The following DSG1 variants were observed in gnomAD, a reference collection of about 807,000 sequenced individuals.
DSG1 encodes desmoglein 1.
Under a neutral mutation model 97.5 loss-of-function variants are expected in DSG1, and 39 were observed. That is an observed-to-expected ratio of 0.40 (90% confidence interval 0.31 to 0.52). The LOEUF is 0.52. DSG1 is among the 20% of genes least tolerant of loss of function. The pLI is 0.53. For synonymous variants in DSG1, 475 were observed against 443.4 expected, an observed-to-expected ratio of 1.07 and a Z score of -0.90; for missense variants, 1,311 against 1,295.4, an observed-to-expected ratio of 1.01 and a Z score of -0.18.
intron 11 of DSG1, among the ~76,000 whole-genome samples, chr18:31,342,297 T>C (rs572155308): frequency 1.3e-5 from 2 of 152,298 alleles, no homozygotes; most frequent in African/African-American, 4.8e-5. Flanking sequence ...TTATAAATTA[T>C]ATATGGGCCT....
chr18:31,333,760 C>A (rs375634680), intron 7 of DSG1, 37 bp downstream of exon 7: 1 of 1,606,878 alleles, frequency 6.2e-7, no homozygotes, highest in South Asian at 1.1e-5. Context: ...AATCTAAATT[C>A]GCTATATTCT....
chr18:31,359,012 G>A lies in DSG1; in HGVS notation c.*3666G>A, dbSNP rs73408401. Reference sequence around the variant, plus strand: ...TATTTGAATTACTAAATGCTTTATCGTCAAACTGTACCTAGTCTAACTTAT... The same window carrying A: ...TATTTGAATTACTAAATGCTTTATCATCAAACTGTACCTAGTCTAACTTAT... On this transcript the variant is annotated 3_prime_UTR_variant, in exon 15 of 15. Coordinates refer to ENST00000257192, the MANE Select transcript of DSG1 (RefSeq NM_001942.4). Among the ~76,000 whole-genome samples, 3,447 of 152,022 alleles carry A rather than the reference G, an allele frequency of 0.023. 136 individuals are homozygous for A. Among genetic ancestry groups the A allele is most frequent in the African/African-American group, 0.078 (3,246 of 41,478 alleles).
intron 4 of DSG1, among the ~76,000 whole-genome samples, chr18:31,328,871 C>T (rs2071703224): frequency 6.6e-6 from 1 of 152,150 alleles, no homozygotes; most frequent in African/African-American, 2.4e-5. Flanking sequence ...TCCAAATGCA[C>T]CTTGAAAATG....
chr18:31,340,900 C>A (rs1033175460), intron 11 of DSG1, among the ~76,000 whole-genome samples: 1 of 152,168 alleles, frequency 6.6e-6, no homozygotes, highest in Non-Finnish European at 1.5e-5. Flanking sequence ...TAAGCCTAAT[C>A]GTCTGAGTCT....
chr18:31,354,503 A>G lies in DSG1; in HGVS notation c.2307A>G (p.Pro769=). 4 of 1,614,232 alleles carry G rather than the reference A, an allele frequency of 2.5e-6. No homozygotes were observed. Among genetic ancestry groups the G allele is most frequent in the Non-Finnish European group, 3.4e-6 (4 of 1,180,040 alleles). The change falls in exon 15 of 15, where the codon CCA becomes CCG. Residue 769 remains proline, a synonymous_variant. Transcript: ENST00000257192. ...TCAGCCTAGGAAAAGAATCATATCC[A>G]GACCTTGATCCTTCTTGGCCACCAC... ...ADISLGKESY[P]DLDPSWPPQS...
rs770815653 is a variant in DSG1, at chr18:31,344,002, A to G, written c.1891+7A>G. The G allele has an allele frequency of 1.6e-5, 26 of 1,604,074 alleles. No homozygotes were observed. In the South Asian group the frequency reaches 2.5e-4, roughly 16 times the overall value. On this transcript the variant is annotated splice_region_variant and intron_variant, in intron 13 of 14. Transcript: ENST00000257192. The stretch of plus-strand genomic sequence containing the variant: ...GAATGCATTGACAACTCAGGTAAGA[A>G]AAAAGAATTTGTTTAACATCTCAAA...
chr18:31,323,551 A>C (rs542138651), intron 1 of DSG1, among the ~76,000 whole-genome samples: 33 of 152,206 alleles, frequency 2.2e-4, no homozygotes, highest in African/African-American at 7.0e-4. Flanking sequence ...CTTCTATGAG[A>C]ATCTTCCTGC....
Position 31,354,330 on chromosome 18 carries a change from C to T in DSG1, c.2134C>T (p.Arg712Cys), listed in dbSNP as rs149191001. The T allele has an allele frequency of 1.1e-3, 1,812 of 1,614,132 alleles. 4 individuals are homozygous for T. The highest frequency in any genetic ancestry group is 6.7e-3 in the Admixed American group (405 of 60,026). The change falls in exon 15 of 15, where the codon CGC becomes TGC. Residue 712 changes from arginine (R) to cysteine (C), a missense_variant. By Grantham distance (180) the Arg-to-Cys change is radical (BLOSUM62 -3). Transcript: ENST00000257192. ...AYAYADEDEGRPSNDCLLIYD... is the reference protein window; with the variant it reads ...AYAYADEDEGCPSNDCLLIYD... ...TGCTTACGCAGATGAAGATGAAGGA[C>T]GCCCATCTAATGACTGTTTGCTCAT...
At position 31,343,595 on chromosome 18, in the gene DSG1, A is replaced by C; in HGVS notation, c.1821+12A>C. 6.2e-7 allele frequency: 1 copy of C among 1,614,122 alleles called. No homozygotes were observed. The highest frequency in any genetic ancestry group is 8.5e-7 in the Non-Finnish European group (1 of 1,180,018). On this transcript the variant is annotated intron_variant, in intron 12 of 14. Coordinates refer to ENST00000257192, the MANE Select transcript of DSG1 (RefSeq NM_001942.4). ...AGCCTGAACCCAGGGTAAGTGCCAC[A>C]TTCTAAGAAATAGCCGTTGGTAGTC...
In DSG1 at chr18:31,356,662, C is replaced by T. The variant is rs1598721614; in HGVS notation, c.*1316C>T. ...CATGAAATAATAATAGAAACCTATTCTGCTAGTTTATCTCACCCTCTAATT... is the reference window on the plus strand; with the variant it reads ...CATGAAATAATAATAGAAACCTATTTTGCTAGTTTATCTCACCCTCTAATT... On this transcript the variant is annotated 3_prime_UTR_variant, in exon 15 of 15. Transcript: ENST00000257192. 1 of 152,132 alleles carries T rather than the reference C, an allele frequency of 6.6e-6. No individual in the cohort carries two copies. Among genetic ancestry groups the T allele is most frequent in the African/African-American group, 2.4e-5 (1 of 41,426 alleles). 9.4% of individuals were successfully genotyped at this position (152,132 alleles called of 1,614,324 possible).
At chr18:31,334,427 A>T (rs2071739676) in intron 8 of DSG1, among the ~76,000 whole-genome samples, 1 of 152,284 alleles carries the variant, frequency 6.6e-6, no homozygotes, top group Non-Finnish European at 1.5e-5. Flanking sequence ...GTTTGTCAAT[A>T]CAGTACTCCC....
At position 31,355,596 on chromosome 18, in the gene DSG1, G is replaced by C. The variant is rs2071950036; in HGVS notation, c.*250G>C. 2 of 534,108 alleles carry C rather than the reference G, an allele frequency of 3.7e-6. No individual in the cohort carries two copies. The highest frequency in any genetic ancestry group is 2.1e-5 in the South Asian group (1 of 47,228). 33.1% of individuals were successfully genotyped at this position (534,108 alleles called of 1,614,324 possible). ...TTGAGGCAGAGTCTTCTTTGTGCCTGAGTGGCCTGTAGTCCATCTCCAGCA... is the reference window on the plus strand; with the variant it reads ...TTGAGGCAGAGTCTTCTTTGTGCCTCAGTGGCCTGTAGTCCATCTCCAGCA... On this transcript the variant is annotated 3_prime_UTR_variant, in exon 15 of 15. Coordinates refer to ENST00000257192, the MANE Select transcript of DSG1 (RefSeq NM_001942.4).
At chr18:31,325,847 G>T (rs975009645) in intron 1 of DSG1, among the ~76,000 whole-genome samples, 2 of 152,058 alleles carry the variant, frequency 1.3e-5, no homozygotes, top group African/African-American at 4.8e-5. Flanking sequence ...TTAGCCATAG[G>T]TTAATATCCA....
rs1249552904 is a variant in DSG1, at chr18:31,356,101, T to C, written c.*755T>C. ...GTGATAGATGTAGTCTTGACGAATA[T>C]TGCTTACTGGTGAGGTTGAGGAATA... On this transcript the variant is annotated 3_prime_UTR_variant, in exon 15 of 15. Transcript: ENST00000257192. The C allele has an allele frequency of 6.6e-6, 1 of 152,210 alleles. No individual in the cohort carries two copies. Among genetic ancestry groups the C allele is most frequent in the Non-Finnish European group, 1.5e-5 (1 of 68,064 alleles). 9.4% of individuals were successfully genotyped at this position (152,210 alleles called of 1,614,324 possible).
intron 14 of DSG1, among the ~76,000 whole-genome samples, chr18:31,346,745 T>C (rs181169493): frequency 1.3e-5 from 2 of 152,362 alleles, no homozygotes; most frequent in East Asian, 1.9e-4. Flanking sequence ...GTACTTTGTT[T>C]ACACATTTAT....
rs371978779 is a variant in DSG1, at chr18:31,329,979, C to A, written c.460C>A (p.Pro154Thr). The A allele has an allele frequency of 5.6e-6, 9 of 1,613,148 alleles. No individual in the cohort carries two copies. The highest frequency in any genetic ancestry group is 4.4e-5 in the South Asian group (4 of 91,070). The change falls in exon 5 of 15, where the codon CCT (proline) becomes ACT (threonine). Residue 154 changes from proline to threonine, a missense_variant. Physicochemically the swap from Pro to Thr is conservative, Grantham distance 38. This residue lies in a region of DSG1 where 259 missense variants were observed against 304.1 expected (regional missense o/e 0.85). Coordinates refer to ENST00000257192, the MANE Select transcript of DSG1 (RefSeq NM_001942.4). ...CAGGGTTTTGGATATAAATGACAACCCTCCAGTGTTTTCAATGGCTACATT... is the reference window on the plus strand; with the variant it reads ...CAGGGTTTTGGATATAAATGACAACACTCCAGTGTTTTCAATGGCTACATT... ...RVRVLDINDN[P>T]PVFSMATFAG... is the part of the protein sequence containing the mutation.
intron 4 of DSG1, 83 bp from the exon 5 acceptor site, chr18:31,329,809 G>C (rs547689337): frequency 8.6e-6 from 13 of 1,505,806 alleles, no homozygotes; most frequent in Non-Finnish European, 1.2e-5. Context: ...CTTTTAATTC[G>C]CCACAGTGCT....
intron 1 of DSG1, among the ~76,000 whole-genome samples, chr18:31,319,745 G>A (rs2071641868): frequency 6.6e-6 from 1 of 152,082 alleles, no homozygotes; most frequent in Non-Finnish European, 1.5e-5. Context: ...GAATCTCTAA[G>A]ATGTGCCTTA....
At position 31,318,288 on chromosome 18, in the gene DSG1, G is replaced by T; in HGVS notation, c.-13G>T. The T allele has an allele frequency of 6.2e-7, 1 of 1,612,068 alleles. No individual in the cohort carries two copies. Among genetic ancestry groups the T allele is most frequent in the Non-Finnish European group, 8.5e-7 (1 of 1,178,172 alleles). ...AACTCCCTTGGTCTTGGATGTAAGA[G>T]AATCCAGCAGAGATGGACTGGAGTT... On this transcript the variant is annotated 5_prime_UTR_variant, in exon 1 of 15. Coordinates refer to ENST00000257192, the MANE Select transcript of DSG1 (RefSeq NM_001942.4).
Sources: allele counts gnomAD v4.1 joint callset (sites outside exome capture counted in the v4.1 genomes callset), GRCh38; gene constraint gnomAD v4.1.1; regional missense constraint gnomAD v4.1.1; transcripts MANE v1.5; gene names NCBI Gene and HGNC (gene_info 2026-07-23, HGNC 2026-07-21).